CNTN6: variants seen among roughly 807,000 people sequenced by gnomAD.
CNTN6 encodes contactin 6.
A neutral mutation model predicts 122.8 loss-of-function variants in CNTN6; 137 were observed. That is an observed-to-expected ratio of 1.12 (90% CI 0.97 to 1.29). The LOEUF (loss-of-function observed/expected upper bound fraction) is 1.29. CNTN6 is among the 50% of genes most tolerant of loss of function. The probability of loss-of-function intolerance (pLI) is 0.00; values close to 1 mark genes in which losing one functional copy is unlikely to be tolerated. For missense variants in CNTN6, 1,634 were observed against 1,223.4 expected (o/e 1.34, Z -5.01); for synonymous variants, 570 against 426.0 (o/e 1.34, Z -4.16).
chr3:1,186,835 G>T (rs140745565), intron 2 of CNTN6, among the ~76,000 whole-genome samples: 1 of 150,064 alleles, frequency 6.7e-6, no homozygotes. Flanking sequence ...TTAATAAAGG[G>T]GTTAAAAGAA....
At chr3:1,321,566 A>G in intron 7 of CNTN6, 84 bp from the exon 8 acceptor site, 2 of 1,204,920 alleles carry the variant, frequency 1.7e-6, no homozygotes, top group Non-Finnish European at 2.3e-6. Flanking sequence ...TTTTCTTGAG[A>G]GTTATTTGTA....
intron 2 of CNTN6, among the ~76,000 whole-genome samples, chr3:1,169,798 C>T (rs2093327132): frequency 6.6e-6 from 1 of 152,170 alleles, no homozygotes; most frequent in Non-Finnish European, 1.5e-5. Flanking sequence ...ATTTGATAAA[C>T]TTTGGTCATT....
chr3:1,225,766 AG>A (rs1363549058), intron 3 of CNTN6, among the ~76,000 whole-genome samples: 5 of 150,522 alleles, frequency 3.3e-5, no homozygotes, highest in African/African-American at 1.2e-4. Context: ...AAATTCCTCT[AG>A]AAAAAAATGA....
At chr3:1,174,723 A>C (rs939032718) in intron 2 of CNTN6, among the ~76,000 whole-genome samples, 2 of 152,144 alleles carry the variant, frequency 1.3e-5, no homozygotes, top group Non-Finnish European at 2.9e-5. Flanking sequence ...GTGTCCCTTA[A>C]ATCAGTGGCT....
At chr3:1,216,832 G>C (rs2094136799) in intron 2 of CNTN6, among the ~76,000 whole-genome samples, 1 of 152,242 alleles carries the variant, frequency 6.6e-6, no homozygotes, top group African/African-American at 2.4e-5. Flanking sequence ...GCAGATCTGA[G>C]TGGATGGTGA....
At chr3:1,206,439 C>A (rs2093958948) in intron 2 of CNTN6, among the ~76,000 whole-genome samples, 1 of 152,156 alleles carries the variant, frequency 6.6e-6, no homozygotes, top group Admixed American at 6.5e-5. Context: ...GCACTGTGAA[C>A]TCAGTGCCTC....
intron 5 of CNTN6, among the ~76,000 whole-genome samples, chr3:1,283,793 A>G (rs915578338): frequency 6.6e-6 from 1 of 152,130 alleles, no homozygotes; most frequent in African/African-American, 2.4e-5. Context: ...TGAGGTCAGG[A>G]GTTCGAGACC....
At chr3:1,356,214 A>G (rs1213673137) in intron 12 of CNTN6, among the ~76,000 whole-genome samples, 2 of 151,876 alleles carry the variant, frequency 1.3e-5, no homozygotes, top group Admixed American at 6.6e-5. Flanking sequence ...GAGTAACAGC[A>G]GGCTATAAAA....
intron 1 of CNTN6, among the ~76,000 whole-genome samples, chr3:1,113,123 A>C (rs73103498): frequency 0.046 from 7,055 of 152,234 alleles, 550 homozygotes; most frequent in African/African-American, 0.16. Flanking sequence ...AAAAAAGTAC[A>C]TTCAGGCAAA....
chr3:1,384,806 C>CATAAATAGATAGAT (rs1559990605), intron 19 of CNTN6, among the ~76,000 whole-genome samples: 2 of 135,310 alleles, frequency 1.5e-5, no homozygotes, highest in Non-Finnish European at 3.3e-5. Context: ...TACACACACA[C>CATAAATAGATAGAT]ACACACATAT....
intron 5 of CNTN6, among the ~76,000 whole-genome samples, chr3:1,281,527 C>T (rs1056120474): frequency 4.6e-5 from 7 of 150,672 alleles, no homozygotes; most frequent in Non-Finnish European, 4.4e-5. Context: ...TGCAGTGGCC[C>T]CATCTCTGCT....
rs186308537 is a variant in CNTN6 at position 1,154,131 on chromosome 3, C to A, written c.55+6068C>A. On this transcript the variant is annotated intron_variant, in intron 2 of 22. Transcript: ENST00000446702. ...GGTTATATGATTATCAAACCTTCTT[C>A]CAAAGTAATTGATTCTTAAACCTTA... Among the ~76,000 whole-genome samples, 22 of 152,206 alleles carry A rather than the reference C, an allele frequency of 1.4e-4. 1 individual carries two copies. Among genetic ancestry groups the A allele is most frequent in the Admixed American group, 7.9e-4 (12 of 15,282 alleles).
At chr3:1,229,948 G>A (rs2094332974) in intron 4 of CNTN6, among the ~76,000 whole-genome samples, 1 of 152,150 alleles carries the variant, frequency 6.6e-6, no homozygotes, top group Non-Finnish European at 1.5e-5. Flanking sequence ...GCTTGCAAAA[G>A]CAAGGACCAC....
intron 4 of CNTN6, among the ~76,000 whole-genome samples, chr3:1,245,515 A>G (rs930953512): frequency 1.2e-4 from 18 of 148,880 alleles, no homozygotes; most frequent in Non-Finnish European, 1.8e-4. Context: ...GAATGATACA[A>G]TGGATTTTGG....
At chr3:1,197,376 C>T (rs2093792974) in intron 2 of CNTN6, among the ~76,000 whole-genome samples, 1 of 152,190 alleles carries the variant, frequency 6.6e-6, no homozygotes, top group Non-Finnish European at 1.5e-5. Context: ...ATTGTAAGCA[C>T]AGCCCTGAAA....
intron 11 of CNTN6, among the ~76,000 whole-genome samples, chr3:1,338,666 C>A (rs1005352873): frequency 6.6e-6 from 1 of 152,050 alleles, no homozygotes; most frequent in African/African-American, 2.4e-5. Flanking sequence ...TTACCTCTTG[C>A]TTCTAATTTC....
intron 20 of CNTN6, among the ~76,000 whole-genome samples, chr3:1,391,872 A>T (rs1694205384): frequency 6.6e-6 from 1 of 152,160 alleles, no homozygotes; most frequent in African/African-American, 2.4e-5. Context: ...CTCTTCAAGG[A>T]GAACTGCAAA....
chr3:1,163,793 AAACT>A (rs2093187207), intron 2 of CNTN6, among the ~76,000 whole-genome samples: 1 of 152,346 alleles, frequency 6.6e-6, no homozygotes, highest in East Asian at 1.9e-4. Context: ...CACTCCAAAC[AAACT>A]ATTAATCTGA....
intron 2 of CNTN6, among the ~76,000 whole-genome samples, chr3:1,209,378 T>C (rs1231040366): frequency 6.6e-6 from 1 of 152,158 alleles, no homozygotes; most frequent in Non-Finnish European, 1.5e-5. Flanking sequence ...ATAACAAGCA[T>C]GGCCACTGTC....
Sources: allele counts gnomAD v4.1 joint callset (sites outside exome capture counted in the v4.1 genomes callset), GRCh38; gene constraint gnomAD v4.1.1; transcripts MANE v1.5; gene names NCBI Gene and HGNC (gene_info 2026-07-23, HGNC 2026-07-21).